The following PCDH11Y variants were observed in gnomAD, a reference collection of about 807,000 sequenced individuals.
PCDH11Y encodes protocadherin-11 Y-linked.
For missense variants in PCDH11Y, 12 were observed against 224.8 expected (o/e 0.05, Z 6.05); for synonymous variants, 9 against 83.6 (o/e 0.11, Z 4.87).
chrY:5,385,973 G>T, intron 2 of PCDH11Y, among the ~76,000 whole-genome samples: 1 of 33,275 alleles, frequency 3.0e-5, no homozygotes, highest in East Asian at 7.9e-4. Context: ...CTTTAAAGAG[G>T]TTATGTTTTA....
At chrY:5,326,761 C>T in intron 2 of PCDH11Y, among the ~76,000 whole-genome samples, 1 of 32,430 alleles carries the variant, frequency 3.1e-5, no homozygotes, top group Non-Finnish European at 7.5e-5. Context: ...AAAGTATATG[C>T]GTCAGGTATG....
At chrY:5,325,350 C>T in intron 2 of PCDH11Y, among the ~76,000 whole-genome samples, 1 of 32,278 alleles carries the variant, frequency 3.1e-5, no homozygotes. Flanking sequence ...AGGGCTGCTT[C>T]GAGCAGCATT....
chrY:5,108,613 G>A (rs375056555), downstream of PCDH11Y, among the ~76,000 whole-genome samples: 162 of 30,392 alleles, frequency 5.3e-3, no homozygotes, highest in South Asian at 0.11. Flanking sequence ...CGGGCGTGGT[G>A]GCGGGCGCCT....
intron 2 of PCDH11Y, among the ~76,000 whole-genome samples, chrY:5,469,358 CT>C (rs2053311133): frequency 9.3e-5 from 3 of 32,314 alleles, no homozygotes; most frequent in Non-Finnish European, 2.3e-4. Context: ...AGTGTTATGT[CT>C]TTTTTTTATA....
intron 2 of PCDH11Y, among the ~76,000 whole-genome samples, chrY:5,116,022 G>A: frequency 3.0e-5 from 1 of 33,397 alleles, no homozygotes; most frequent in Non-Finnish European, 7.4e-5. Context: ...TTACAGGCGT[G>A]AGCCACCGCG....
At chrY:5,625,390 CTTTTTTTTTTTTT>C (rs1237932380) in intron 4 of PCDH11Y, among the ~76,000 whole-genome samples, 1 of 5,485 alleles carries the variant, frequency 1.8e-4, no homozygotes, top group Non-Finnish European at 4.3e-4. Flanking sequence ...ATTTTCTTTT[CTTTTTTTTTTTTT>C]TTTTTTTTTT....
At chrY:5,072,491 G>GT (rs2052701543) in intron 1 of PCDH11Y, among the ~76,000 whole-genome samples, 1 of 29,992 alleles carries the variant, frequency 3.3e-5, no homozygotes, top group Non-Finnish European at 8.1e-5. Context: ...ATCCTATTGT[G>GT]TTTTTTTTCT....
At chrY:5,167,822 G>GA (rs2052881656) in intron 2 of PCDH11Y, among the ~76,000 whole-genome samples, 2 of 28,275 alleles carry the variant, frequency 7.1e-5, no homozygotes, top group Non-Finnish European at 1.7e-4. Context: ...CTATACTCCA[G>GA]AAAAAAAAAG....
At chrY:5,170,820 G>C in intron 2 of PCDH11Y, among the ~76,000 whole-genome samples, 1 of 29,679 alleles carries the variant, frequency 3.4e-5, no homozygotes, top group South Asian at 7.9e-4. Context: ...AGCAATTCAA[G>C]AATATAGAGT....
intron 3 of PCDH11Y, among the ~76,000 whole-genome samples, chrY:5,532,829 C>CT (rs1309581388): frequency 0.043 from 715 of 16,744 alleles, no homozygotes; most frequent in African/African-American, 0.22. Flanking sequence ...TCCCTCCACC[C>CT]TTTTTTTTTT....
rs2053545228 is a variant in PCDH11Y at position 5,666,941 on chromosome Y, CT to C, written c.3353-70321del. Among the ~76,000 whole-genome samples the C allele has an allele frequency of 1.4e-4, 4 of 27,892 alleles. No homozygotes were observed. In the East Asian group the frequency reaches 2.8e-3, roughly 19 times the overall value. The allele number at this position is 27,892 out of a possible 37,273, so 74.8% of individuals were successfully genotyped here. ...TTTTTTCTAATGGGCTTTTTCTTTT[CT>C]TTTTTTTTTATTTTTTTATTTTTTG... On this transcript the variant is annotated intron_variant, in intron 4 of 4. Coordinates refer to the PCDH11Y transcript ENST00000400457.
At chrY:5,478,811 A>G in intron 2 of PCDH11Y, among the ~76,000 whole-genome samples, 1 of 31,460 alleles carries the variant, frequency 3.2e-5, no homozygotes. Flanking sequence ...GTTGGTTTAA[A>G]GTCTGTTTTA....
intron 2 of PCDH11Y, among the ~76,000 whole-genome samples, chrY:5,201,259 TGA>T (rs2052926599): frequency 3.1e-5 from 1 of 32,648 alleles, no homozygotes; most frequent in African/African-American, 1.2e-4. Flanking sequence ...CCGATACATA[TGA>T]GACATTCTAT....
At chrY:5,073,210 T>TA (rs2052702681) in intron 1 of PCDH11Y, among the ~76,000 whole-genome samples, 1 of 33,277 alleles carries the variant, frequency 3.0e-5, no homozygotes, top group African/African-American at 1.2e-4. Context: ...CATTGATTTT[T>TA]ATCACCTCTA....
chrY:5,398,009 A>G lies in PCDH11Y; in HGVS notation c.3130-103048A>G, dbSNP rs1405842349. On this transcript the variant is annotated intron_variant, in intron 2 of 4. Transcript: ENST00000400457. ...TAGTTTCTATTGGTTAAAGAAGAAC[A>G]TTTATATGGGGTCCTAGATAGGCTC... Among the ~76,000 whole-genome samples the G allele has an allele frequency of 1.2e-4, 4 of 33,783 alleles. No homozygotes were observed. The East Asian group carries it at 3.1e-3, about 26-fold the overall frequency. 90.6% of individuals were successfully genotyped at this position (33,783 alleles called of 37,273 possible). A position where few individuals can be genotyped will look rare whatever the true frequency, so the allele number is the denominator to read the frequency against.
At chrY:5,661,280 G>C in intron 4 of PCDH11Y, among the ~76,000 whole-genome samples, 1 of 33,623 alleles carries the variant, frequency 3.0e-5, no homozygotes, top group African/African-American at 1.2e-4. Context: ...GGAGATGTCA[G>C]TTTATTTCAA....
intron 3 of PCDH11Y, among the ~76,000 whole-genome samples, chrY:5,570,334 G>C (rs2053438368): frequency 3.4e-5 from 1 of 29,386 alleles, no homozygotes; most frequent in East Asian, 8.6e-4. Context: ...TAAGAAGATT[G>C]GTTCTCCACA....
chrY:5,236,579 A>G, intron 2 of PCDH11Y, among the ~76,000 whole-genome samples: 5 of 32,502 alleles, frequency 1.5e-4, no homozygotes, highest in Non-Finnish European at 3.0e-4. Context: ...TCAAAAGTCA[A>G]TCTTGACATA....
intron 4 of PCDH11Y, chrY:5,623,113 C>A (rs1291815925): frequency 8.5e-6 from 1 of 117,011 alleles, no homozygotes; most frequent in Non-Finnish European, 1.8e-5. Flanking sequence ...GAGTTCTGGG[C>A]ACCCAGGTTC....
Sources: gnomAD v4.1 joint callset for allele counts (sites outside exome capture counted in the v4.1 genomes callset) on GRCh38, gnomAD v4.1.1 for gene constraint, MANE v1.5 for transcripts, NCBI Gene and HGNC (gene_info 2026-07-23, HGNC 2026-07-21) for gene names.